MAGI1: variants seen among roughly 807,000 people sequenced by gnomAD.
MAGI1 encodes the protein membrane-associated guanylate kinase, WW and PDZ domain-containing protein 1.
Under a neutral mutation model 139.9 loss-of-function variants are expected in MAGI1, and 58 were observed. The observed-to-expected ratio is 0.41, with a 90% confidence interval of 0.34 to 0.52. The LOEUF is 0.52. MAGI1 is among the 20% of genes least tolerant of loss of function. The pLI, the probability that MAGI1 is intolerant of heterozygous loss-of-function variation, is 0.12. For synonymous variants in MAGI1, 812 were observed against 737.9 expected (o/e 1.10, Z -1.63); for missense variants, 1,874 against 1,901.6 (o/e 0.99, Z 0.27).
intron 2 of MAGI1, among the ~76,000 whole-genome samples, chr3:65,525,483 C>G (rs73128954): frequency 0.038 from 5,711 of 152,256 alleles, 142 homozygotes; most frequent in Admixed American, 0.071. Flanking sequence ...TTCATCCTCA[C>G]TAAGGAATCA....
chr3:65,945,951 T>C (rs537321578), intron 1 of MAGI1, among the ~76,000 whole-genome samples: 2 of 152,348 alleles, frequency 1.3e-5, no homozygotes, highest in East Asian at 3.8e-4. Context: ...ATCATTCTTT[T>C]AAAAATCTTT....
chr3:65,603,454 T>C (rs776114435), intron 2 of MAGI1, among the ~76,000 whole-genome samples: 5 of 152,170 alleles, frequency 3.3e-5, no homozygotes, highest in Non-Finnish European at 7.4e-5. Flanking sequence ...AATTTGACAA[T>C]TATTTGGAAT....
intron 5 of MAGI1, among the ~76,000 whole-genome samples, chr3:65,454,613 A>G (rs993521950): frequency 6.0e-5 from 9 of 151,030 alleles, no homozygotes; most frequent in Non-Finnish European, 1.2e-4. Context: ...AAGTTCAGGC[A>G]GTAACTTAAA....
At chr3:65,895,729 C>T (rs914567190) in intron 1 of MAGI1, among the ~76,000 whole-genome samples, 1 of 152,184 alleles carries the variant, frequency 6.6e-6, no homozygotes, top group African/African-American at 2.4e-5. Context: ...GTCAGTTACC[C>T]TCCATTTTAA....
intron 7 of MAGI1, 137 bp downstream of exon 7, chr3:65,447,885 G>A (rs1323476321): frequency 1.1e-5 from 11 of 1,021,794 alleles, no homozygotes; most frequent in South Asian, 9.1e-5. Flanking sequence ...GACCTTTCCT[G>A]GATAAGCTAG....
At chr3:65,846,059 C>T (rs924968577) in intron 1 of MAGI1, among the ~76,000 whole-genome samples, 4 of 152,154 alleles carry the variant, frequency 2.6e-5, no homozygotes, top group Non-Finnish European at 4.4e-5. Context: ...TGTTACTTGG[C>T]AACAACACTT....
rs147283407 is a variant in MAGI1 at position 65,542,140 on chromosome 3, G to A, written c.431-48509C>T. ...TATACACCAATAATAGACAAAGAGA[G>A]CCAAATAATGAGTGAACTCCCATTC... is the stretch of plus-strand genomic sequence containing the variant. On this transcript the variant is annotated intron_variant, in intron 2 of 22. Transcript: ENST00000402939. 3.0e-4 allele frequency among the ~76,000 whole-genome samples: 45 copies of A among 152,228 alleles called. No homozygotes were observed. The East Asian group carries it at 6.2e-3, about 21-fold the overall frequency.
rs954415615 is a variant in MAGI1, at chr3:65,527,649, C to T, written c.431-34018G>A. ...CTGAGGCAAGAGAACAGTGTGAACC[C>T]GGGGGGCAGAGCTTGCAGTGAGCCG... On this transcript the variant is annotated intron_variant, in intron 2 of 22. Transcript: ENST00000402939. Among the ~76,000 whole-genome samples the T allele has an allele frequency of 5.9e-5, 9 of 152,164 alleles. No homozygotes were observed. In the East Asian group the frequency reaches 7.7e-4, roughly 13 times the overall value.
intron 1 of MAGI1, among the ~76,000 whole-genome samples, chr3:65,789,058 G>A (rs926799244): frequency 7.9e-5 from 12 of 152,172 alleles, no homozygotes; most frequent in East Asian, 3.9e-4. Flanking sequence ...ACACCCACCC[G>A]TAGTCCCAGT....
At chr3:65,409,357 G>A (rs1945598661) in intron 12 of MAGI1, among the ~76,000 whole-genome samples, 1 of 152,160 alleles carries the variant, frequency 6.6e-6, no homozygotes, top group Non-Finnish European at 1.5e-5. Flanking sequence ...ATGAAGAAGG[G>A]GGCAGAGGGA....
At chr3:65,553,723 G>C (rs539896182) in intron 2 of MAGI1, among the ~76,000 whole-genome samples, 2 of 152,082 alleles carry the variant, frequency 1.3e-5, no homozygotes, top group African/African-American at 2.4e-5. Flanking sequence ...CTTTCTATTT[G>C]TTTTTTAATG....
intron 1 of MAGI1, among the ~76,000 whole-genome samples, chr3:65,657,113 T>A (rs1576622131): frequency 6.6e-6 from 1 of 150,820 alleles, no homozygotes; most frequent in Non-Finnish European, 1.5e-5. Context: ...TTTACATACA[T>A]CCCCTACCTG....
intron 1 of MAGI1, among the ~76,000 whole-genome samples, chr3:65,683,661 T>C (rs1259603869): frequency 1.2e-5 from 1 of 83,240 alleles, no homozygotes; most frequent in Non-Finnish European, 2.7e-5. Context: ...GAATAGGATA[T>C]ATATATATAT....
chr3:65,416,709 T>C (rs1946245465), intron 12 of MAGI1, among the ~76,000 whole-genome samples: 2 of 152,178 alleles, frequency 1.3e-5, no homozygotes, highest in South Asian at 4.1e-4. Context: ...GGTAACAACT[T>C]GGCAAACAAT....
At chr3:65,654,195 T>C (rs1269381023) in intron 1 of MAGI1, among the ~76,000 whole-genome samples, 2 of 152,164 alleles carry the variant, frequency 1.3e-5, no homozygotes, top group Non-Finnish European at 2.9e-5. Context: ...AATGAAAAGA[T>C]TTATCACCTG....
intron 11 of MAGI1, among the ~76,000 whole-genome samples, chr3:65,430,476 G>C (rs572024291): frequency 4.2e-4 from 64 of 152,210 alleles, no homozygotes; most frequent in African/African-American, 1.4e-3. Context: ...TACTCAAACA[G>C]TTTCCCAAAC....
At chr3:65,417,162 G>A (rs1193494736) in intron 12 of MAGI1, among the ~76,000 whole-genome samples, 2 of 152,162 alleles carry the variant, frequency 1.3e-5, no homozygotes, top group African/African-American at 4.8e-5. Flanking sequence ...CACACACTGG[G>A]GCCTGTCGGA....
chr3:65,726,705 T>A (rs2033646613), intron 1 of MAGI1, among the ~76,000 whole-genome samples: 1 of 151,932 alleles, frequency 6.6e-6, no homozygotes, highest in African/African-American at 2.4e-5. Flanking sequence ...TTCACCAGGG[T>A]TCCTAGAAAC....
intron 1 of MAGI1, among the ~76,000 whole-genome samples, chr3:65,759,764 T>C (rs2036861862): frequency 6.6e-6 from 1 of 152,156 alleles, no homozygotes; most frequent in Non-Finnish European, 1.5e-5. Context: ...ATGTGAGATG[T>C]GTTCCAGTAA....
Sources: allele counts gnomAD v4.1 joint callset (sites outside exome capture counted in the v4.1 genomes callset), GRCh38; gene constraint gnomAD v4.1.1; transcripts MANE v1.5; gene names NCBI Gene and HGNC (gene_info 2026-07-23, HGNC 2026-07-21).